AQR: variants seen among roughly 807,000 people sequenced by gnomAD.
AQR encodes RNA helicase aquarius.
Under a neutral mutation model 180.5 loss-of-function variants are expected in AQR, and 61 were observed. The observed-to-expected ratio is 0.34, with a 90% CI of 0.28 to 0.42. The LOEUF is 0.42. Among genes scored for constraint, AQR ranks in the 10% least tolerant of loss-of-function variants. AQR has a pLI of 1.00. For missense variants in AQR, 1,281 were observed against 1,798.3 expected (o/e 0.71, Z 5.20); for synonymous variants, 551 against 588.8 (o/e 0.94, Z 0.93).
intron 8 of AQR, among the ~76,000 whole-genome samples, chr15:34,939,990 A>G (rs572812829): frequency 3.0e-4 from 45 of 152,296 alleles, no homozygotes; most frequent in Non-Finnish European, 6.2e-4. Flanking sequence ...ACATATCCCA[A>G]TCATTACATA....
In AQR at chr15:34,933,259, T is replaced by C. The variant is rs578140858; in HGVS notation, c.784-825A>G. On this transcript the variant is annotated intron_variant, in intron 10 of 34. Transcript: ENST00000156471. ...AGTTAGTTACTGGCAGAGCTAGAATTTGAAAGATCTCATGAATGACTGCTA... is the reference window on the plus strand; with the variant it reads ...AGTTAGTTACTGGCAGAGCTAGAATCTGAAAGATCTCATGAATGACTGCTA... 5.3e-5 allele frequency among the ~76,000 whole-genome samples: 8 copies of C among 152,298 alleles called. No individual in the cohort carries two copies. In the East Asian group the frequency reaches 1.2e-3, roughly 22 times the overall value.
chr15:34,907,717 T>C (rs992567311), intron 17 of AQR, among the ~76,000 whole-genome samples: 1 of 152,210 alleles, frequency 6.6e-6, no homozygotes, highest in African/African-American at 2.4e-5. Context: ...GTAATGAGAA[T>C]GAATGGGAAT....
At chr15:34,926,402 G>A (rs866128086) in intron 13 of AQR, among the ~76,000 whole-genome samples, 2 of 152,084 alleles carry the variant, frequency 1.3e-5, no homozygotes, top group African/African-American at 4.8e-5. Flanking sequence ...TTAAAAGTTA[G>A]GGCTTGGAAA....
chr15:34,905,456 T>G (rs1893397314), intron 18 of AQR, among the ~76,000 whole-genome samples: 1 of 152,060 alleles, frequency 6.6e-6, no homozygotes, highest in Non-Finnish European at 1.5e-5. Context: ...TGTAAAGCAG[T>G]GTTTTTAAAT....
chr15:34,907,495 T>C (rs936858740), intron 17 of AQR, among the ~76,000 whole-genome samples: 3 of 152,238 alleles, frequency 2.0e-5, no homozygotes, highest in Non-Finnish European at 2.9e-5. Flanking sequence ...TAAATGTAAA[T>C]GTAAACAGTC....
In AQR at chr15:34,952,841, A is replaced by C. The variant is rs756779183; in HGVS notation, c.209+44T>G. On this transcript the variant is annotated intron_variant, in intron 4 of 34. Transcript: ENST00000156471. The stretch of plus-strand genomic sequence containing the variant: ...AACACAGAAAATTTAGCTAAAACTG[A>C]AATCACATTATCTCTTTCATCAATG... 4 of 1,348,576 alleles carry C rather than the reference A, an allele frequency of 3.0e-6. No individual in the cohort carries two copies. In the East Asian group the frequency reaches 9.5e-5, roughly 32 times the overall value. The allele number at this position is 1,348,576 out of a possible 1,614,324, so 83.5% of individuals were successfully genotyped here.
chr15:34,940,764 T>C (rs898313182), intron 8 of AQR, 135 bp downstream of exon 8: 6 of 699,732 alleles, frequency 8.6e-6, no homozygotes, highest in Non-Finnish European at 1.2e-5. Context: ...AATGACAGTC[T>C]AGGTAAAAGC....
chr15:34,901,933 A>T (rs1392218361), intron 19 of AQR, among the ~76,000 whole-genome samples: 1 of 152,246 alleles, frequency 6.6e-6, no homozygotes, highest in Admixed American at 6.5e-5. Flanking sequence ...CTGCCCTCTA[A>T]GGAAATTACA....
At chr15:34,874,385 A>C in intron 29 of AQR, 1 of 358,052 alleles carries the variant, frequency 2.8e-6, no homozygotes. Context: ...TTTTAAAATT[A>C]TATTAACTGT....
At chr15:34,959,603 C>A (rs753810531) in intron 3 of AQR, among the ~76,000 whole-genome samples, 2 of 152,228 alleles carry the variant, frequency 1.3e-5, no homozygotes, top group Non-Finnish European at 2.9e-5. Context: ...CTACCCCCAA[C>A]AACGTGGCAA....
At chr15:34,909,294 C>T (rs890838953) in intron 17 of AQR, among the ~76,000 whole-genome samples, 2 of 152,156 alleles carry the variant, frequency 1.3e-5, no homozygotes, top group Non-Finnish European at 2.9e-5. Flanking sequence ...CACAGGACAG[C>T]TGGGAGAAAA....
intron 16 of AQR, among the ~76,000 whole-genome samples, chr15:34,913,267 G>A (rs1893526941): frequency 6.6e-6 from 1 of 152,044 alleles, no homozygotes; most frequent in African/African-American, 2.4e-5. Context: ...AAATCTACTT[G>A]AAGCATTAAA....
intron 9 of AQR, among the ~76,000 whole-genome samples, chr15:34,936,688 C>A (rs927773524): frequency 6.6e-5 from 10 of 151,230 alleles, no homozygotes; most frequent in Non-Finnish European, 1.2e-4. Flanking sequence ...TGCACTCCAG[C>A]CTGGGAGACA....
At chr15:34,926,963 A>G (rs79873270) in intron 13 of AQR, 72 bp downstream of exon 13, 59,467 of 876,418 alleles carry the variant, frequency 0.068, 2,294 homozygotes, top group African/African-American at 0.092. Context: ...AATGATTAAA[A>G]GCAATAAAGA....
intron 34 of AQR, 93 bp from the exon 35 acceptor site, chr15:34,857,199 C>T: frequency 8.3e-7 from 1 of 1,206,904 alleles, no homozygotes; most frequent in Non-Finnish European, 1.1e-6. Context: ...TTCTCCAAAA[C>T]AGTGCTGACC....
At chr15:34,873,739 C>T in intron 30 of AQR, 89 bp downstream of exon 30, 4 of 1,222,116 alleles carry the variant, frequency 3.3e-6, no homozygotes, top group Admixed American at 2.6e-5. Context: ...TTCCTTTTCT[C>T]AACGGCCAAA....
At chr15:34,893,306 G>A (rs551115111) in intron 23 of AQR, among the ~76,000 whole-genome samples, 4 of 152,018 alleles carry the variant, frequency 2.6e-5, no homozygotes, top group Non-Finnish European at 4.4e-5. Context: ...AAACTACCCC[G>A]ATTGGCTAAA....
rs373136267 is a variant in AQR at position 34,862,902 on chromosome 15, T to C, written c.3994A>G (p.Ile1332Val). Residue 1332 changes from isoleucine to valine, a missense_variant, in exon 33 of 35, where the codon ATA becomes GTA. By Grantham distance (29) the Ile-to-Val change is conservative. Around this residue, in one of 9 missense-constraint regions of AQR, gnomAD observed 197 missense variants for 320.7 expected, o/e 0.61. Coordinates refer to ENST00000156471, the MANE Select transcript of AQR (RefSeq NM_014691.3). ...GTTGGGAAAGGTTCTGTTGGAATTATATGCAAATGAAGGGGGCGAGCTGTG... is the reference window on the plus strand; with the variant it reads ...GTTGGGAAAGGTTCTGTTGGAATTACATGCAAATGAAGGGGGCGAGCTGTG... ...QLTARPLHLHIIPTEPFPTTR... is the reference protein window; with the variant it reads ...QLTARPLHLHVIPTEPFPTTR... 6.8e-6 allele frequency: 11 copies of C among 1,613,810 alleles called. No homozygotes were observed. Among genetic ancestry groups the C allele is most frequent in the East Asian group, 2.2e-5 (1 of 44,882 alleles).
intron 13 of AQR, among the ~76,000 whole-genome samples, chr15:34,921,873 T>G (rs1893689285): frequency 6.6e-6 from 1 of 152,170 alleles, no homozygotes; most frequent in South Asian, 2.1e-4. Context: ...TGCAGTGGCA[T>G]GATCTCAGCT....
Sources: gnomAD v4.1 joint callset for allele counts (sites outside exome capture counted in the v4.1 genomes callset) on GRCh38, gnomAD v4.1.1 for gene constraint, gnomAD v4.1.1 regional missense constraint, MANE v1.5 for transcripts, NCBI Gene and HGNC (gene_info 2026-07-23, HGNC 2026-07-21) for gene names.